Variants in SEZ6 observed in about 807,000 individuals in gnomAD.
SEZ6 encodes the protein seizure related 6 homolog, also known as seizure protein 6 homolog.
SEZ6 carries 53 observed loss-of-function variants against 101.0 expected under a neutral mutation model. The ratio of observed to expected loss-of-function variants is 0.52; its 90% CI spans 0.42 to 0.66. SEZ6 has a LOEUF of 0.66. SEZ6 is among the 30% of genes least tolerant of loss of function. SEZ6 has a pLI of 0.00. For synonymous variants in SEZ6, 488 were observed against 512.2 expected, an observed-to-expected ratio of 0.95 and a Z score of 0.64; for missense variants, 1,102 against 1,289.4, an observed-to-expected ratio of 0.85 and a Z score of 2.23.
chr17:29,005,821 C>T lies in SEZ6; in HGVS notation c.49G>A (p.Ala17Thr), dbSNP rs1349628766. ...GGATGCCGGGGTCCCTTACCGTGAG[C>T]CAGGAGCGCCAGCAGCGAGGGCAGG... ...LLLPSLLALL[A>T]HGLSLEAPTV... is the part of the protein sequence containing the mutation. Residue 17 changes from alanine (A) to threonine (T), a missense_variant, in exon 1 of 17, where the codon GCT becomes ACT. Physicochemically the swap from Ala to Thr is moderately conservative, Grantham distance 58. Transcript: ENST00000317338. This position sits in a 1 kb window ranked among gnomAD's most constrained non-coding sequence, Gnocchi z 4.8. 1.3e-6 allele frequency: 2 copies of T among 1,485,372 alleles called. No individual in the cohort carries two copies. Among genetic ancestry groups the T allele is most frequent in the South Asian group, 1.2e-5 (1 of 80,596 alleles). 92.0% of individuals were successfully genotyped at this position (1,485,372 alleles called of 1,614,324 possible). A position where few individuals can be genotyped will look rare whatever the true frequency, so the allele number is the denominator to read the frequency against.
intron 1 of SEZ6, 71 bp from the exon 2 acceptor site, chr17:28,982,110 GT>G: frequency 6.7e-7 from 1 of 1,483,452 alleles, no homozygotes; most frequent in Non-Finnish European, 8.9e-7. Flanking sequence ...AACTCGAGTA[GT>G]GGGGGGGCCC....
At position 28,956,463 on chromosome 17, in the gene SEZ6, G is replaced by A. The variant is rs780391567; in HGVS notation, c.2736C>T (p.Ala912=). 1 of 1,552,654 alleles carries A rather than the reference G, an allele frequency of 6.4e-7. No individual in the cohort carries two copies. Among genetic ancestry groups the A allele is most frequent in the South Asian group, 1.2e-5 (1 of 84,138 alleles). ...GGGTGCTGGAGGCAGCAGGTGCCTT[G>A]GCAACTGAAGACACAGAGGGTGTGA... ...GFYNSRSLDV[A]KAPAASSTLD... is the part of the protein sequence containing the mutation. The change falls in exon 15 of 17, where the codon GCC becomes GCT. Residue 912 remains alanine (A), a synonymous_variant. Coordinates refer to ENST00000317338, the MANE Select transcript of SEZ6 (RefSeq NM_178860.5).
At chr17:28,974,238 A>G (rs993109419) in intron 3 of SEZ6, among the ~76,000 whole-genome samples, 1 of 152,148 alleles carries the variant, frequency 6.6e-6, no homozygotes, top group Non-Finnish European at 1.5e-5. Context: ...CCACCCCCAG[A>G]TGCTGGCTAC....
rs58063439 is a variant in SEZ6 at position 29,005,078 on chromosome 17, G to GGT, written c.55+735_55+736dup. Reference sequence around the variant, plus strand: ...GGAGGGAGGCAGAGCTCGGGGCAGTGGTGTGTGTGTGTGTGTGTGTGTGTG... The same window carrying GGT: ...GGAGGGAGGCAGAGCTCGGGGCAGTGGTGTGTGTGTGTGTGTGTGTGTGTGTG... On this transcript the variant is annotated intron_variant, in intron 1 of 16. Transcript: ENST00000317338. This position sits in a 1 kb window ranked among gnomAD's most constrained non-coding sequence, Gnocchi z 4.8. Among the ~76,000 whole-genome samples, 11,495 of 137,594 alleles carry GGT rather than the reference G, an allele frequency of 0.084. 495 individuals are homozygous for GGT. The highest frequency in any genetic ancestry group is 0.2 in the Middle Eastern group (58 of 288). 90.3% of individuals were successfully genotyped at this position (137,594 alleles called of 152,430 possible).
intron 4 of SEZ6, among the ~76,000 whole-genome samples, chr17:28,964,966 G>T (rs1395400510): frequency 1.3e-5 from 2 of 152,114 alleles, no homozygotes; most frequent in Non-Finnish European, 2.9e-5. Flanking sequence ...TGAGGCAGGA[G>T]AATCGCTTGA....
chr17:28,979,632 A>G, intron 3 of SEZ6, 48 bp downstream of exon 3: 1 of 1,612,862 alleles, frequency 6.2e-7, no homozygotes, highest in South Asian at 1.1e-5. Flanking sequence ...CTGAAGAAAG[A>G]GAATACACCC....
intron 4 of SEZ6, among the ~76,000 whole-genome samples, chr17:28,969,403 C>G (rs66811679): frequency 0.14 from 21,045 of 152,112 alleles, 1,553 homozygotes; most frequent in South Asian, 0.25. Flanking sequence ...AGGACAAGGA[C>G]CTTGGTGCAT....
intron 3 of SEZ6, among the ~76,000 whole-genome samples, chr17:28,975,269 G>A (rs1052822237): frequency 2.6e-5 from 4 of 152,232 alleles, no homozygotes; most frequent in Non-Finnish European, 5.9e-5. Context: ...GAAGCAAGCA[G>A]CAGAGCCAAG....
intron 1 of SEZ6, among the ~76,000 whole-genome samples, chr17:28,983,390 A>G (rs2041337043): frequency 6.6e-6 from 1 of 152,148 alleles, no homozygotes; most frequent in Non-Finnish European, 1.5e-5. Context: ...CATGGCAGGC[A>G]TTGCTAATCA....
chr17:28,987,812 A>C (rs1389949419), intron 1 of SEZ6, among the ~76,000 whole-genome samples: 1 of 152,188 alleles, frequency 6.6e-6, no homozygotes, highest in Non-Finnish European at 1.5e-5. Context: ...GAAGACACTG[A>C]AGCCCAGAAT....
intron 1 of SEZ6, among the ~76,000 whole-genome samples, chr17:29,001,299 G>A (rs1206678099): frequency 6.6e-6 from 1 of 152,160 alleles, no homozygotes; most frequent in Non-Finnish European, 1.5e-5. Context: ...GACATAGTGG[G>A]TGAACAAAAC....
chr17:28,975,589 T>C (rs1225929481), intron 3 of SEZ6, among the ~76,000 whole-genome samples: 3 of 152,150 alleles, frequency 2.0e-5, no homozygotes, highest in Non-Finnish European at 2.9e-5. Flanking sequence ...CCAAAATCCA[T>C]GGGGCTAGAC....
At chr17:28,976,507 T>C (rs1727013742) in intron 3 of SEZ6, among the ~76,000 whole-genome samples, 1 of 152,106 alleles carries the variant, frequency 6.6e-6, no homozygotes, top group Non-Finnish European at 1.5e-5. Flanking sequence ...AGTGAATTCA[T>C]AGAGGGGCAG....
intron 1 of SEZ6, among the ~76,000 whole-genome samples, chr17:28,997,337 A>G (rs1357416632): frequency 6.6e-6 from 1 of 152,188 alleles, no homozygotes; most frequent in African/African-American, 2.4e-5. Flanking sequence ...CCAGCCAGAA[A>G]ATAGGGCTTC....
rs1261311905 is a variant in SEZ6 at position 28,957,356 on chromosome 17, T to A, written c.2486A>T (p.Lys829Ile). ...ACTCAATTGACACTTACGGAGACAT[T>A]TAGGGGCCCGGTCACTCCACTTGGG... ...GSPKWSDRAP[K>I]CLLEQLKPCH... The change falls in exon 12 of 17, where the codon AAA becomes ATA. Residue 829 changes from lysine to isoleucine, a missense_variant. Physicochemically the swap from Lys to Ile is moderately radical, Grantham distance 102. Transcript: ENST00000317338. 6.2e-7 allele frequency: 1 copy of A among 1,613,026 alleles called. No homozygotes were observed. The highest frequency in any genetic ancestry group is 1.3e-5 in the African/African-American group (1 of 74,882).
intron 1 of SEZ6, among the ~76,000 whole-genome samples, chr17:29,004,696 A>G (rs1284649781): frequency 6.6e-6 from 1 of 152,132 alleles, no homozygotes; most frequent in Admixed American, 6.5e-5. Context: ...CAGGCCCTTC[A>G]AACCATATGG....
chr17:28,968,376 C>T (rs2041101715), intron 4 of SEZ6, among the ~76,000 whole-genome samples: 1 of 152,262 alleles, frequency 6.6e-6, no homozygotes, highest in South Asian at 2.1e-4. Flanking sequence ...CTCCCCCTTG[C>T]TGGGCCTCCA....
rs372654125 is a variant in SEZ6, at chr17:28,959,405, G to A, written c.1839C>T (p.Tyr613=). 3.3e-5 allele frequency: 54 copies of A among 1,613,774 alleles called. No homozygotes were observed. Among genetic ancestry groups the A allele is most frequent in the East Asian group, 4.5e-5 (2 of 44,882 alleles). The stretch of plus-strand genomic sequence containing the variant: ...CCCAGATACAATCCTGCCCACGACC[G>A]TAGGGCTCTGGCCAGTTGGGAGAGA... ...VVLSPNWPEP[Y]GRGQDCIWGV... The change falls in exon 9 of 17, where the codon TAC becomes TAT. Residue 613 remains tyrosine, a synonymous_variant. Coordinates refer to ENST00000317338, the MANE Select transcript of SEZ6 (RefSeq NM_178860.5). This position sits in a 1 kb window ranked among gnomAD's most constrained non-coding sequence, Gnocchi z 4.4.
chr17:29,002,122 G>A (rs1449056065), intron 1 of SEZ6, among the ~76,000 whole-genome samples: 1 of 151,364 alleles, frequency 6.6e-6, no homozygotes, highest in East Asian at 1.9e-4. Context: ...TAGGGGTGGG[G>A]TTGGTAGAGT....
Sources: gnomAD v4.1 joint callset for allele counts (sites outside exome capture counted in the v4.1 genomes callset) on GRCh38, gnomAD v4.1.1 for gene constraint, Gnocchi (gnomAD v3.1) non-coding constraint, MANE v1.5 for transcripts, NCBI Gene and HGNC (gene_info 2026-07-23, HGNC 2026-07-21) for gene names.